The following AKAP6 variants were observed in gnomAD, a reference collection of about 807,000 sequenced individuals.
AKAP6 encodes the protein A-kinase anchoring protein 6, also known as A-kinase anchor protein 6.
Under a neutral mutation model 188.5 loss-of-function variants are expected in AKAP6, and 58 were observed. The ratio of observed to expected loss-of-function variants is 0.31; its 90% confidence interval spans 0.25 to 0.38. The LOEUF (loss-of-function observed/expected upper bound fraction) is 0.38, where lower values mean the gene tolerates loss of function less well. Among genes scored for constraint, AKAP6 ranks in the 10% least tolerant of loss-of-function variants. The probability of loss-of-function intolerance (pLI) is 1.00; values close to 1 mark genes in which losing one functional copy is unlikely to be tolerated. For synonymous variants in AKAP6, 989 were observed against 998.6 expected, an observed-to-expected ratio of 0.99 and a Z score of 0.18; for missense variants, 2,710 against 2,740.0, an observed-to-expected ratio of 0.99 and a Z score of 0.24.
intron 7 of AKAP6, among the ~76,000 whole-genome samples, chr14:32,673,179 G>A (rs1319073819): frequency 6.6e-6 from 1 of 152,146 alleles, no homozygotes. Context: ...CATTATCTCA[G>A]TTTTGGCTCC....
At chr14:32,344,764 A>G (rs1017824123) in intron 1 of AKAP6, among the ~76,000 whole-genome samples, 3 of 152,082 alleles carry the variant, frequency 2.0e-5, no homozygotes, top group Non-Finnish European at 4.4e-5. Flanking sequence ...AAAAATACAA[A>G]AATTAGCTGG....
intron 7 of AKAP6, among the ~76,000 whole-genome samples, chr14:32,675,045 G>T (rs1947282040): frequency 6.6e-6 from 1 of 152,122 alleles, no homozygotes; most frequent in Admixed American, 6.6e-5. Flanking sequence ...TCTCTCCCAT[G>T]GCATTCACAC....
chr14:32,708,485 T>A (rs1890906918), intron 9 of AKAP6, among the ~76,000 whole-genome samples: 1 of 151,996 alleles, frequency 6.6e-6, no homozygotes, highest in South Asian at 2.1e-4. Flanking sequence ...GCTAGCTAAT[T>A]CAGAATATGG....
At chr14:32,791,717 T>C (rs1244387091) in intron 12 of AKAP6, among the ~76,000 whole-genome samples, 1 of 152,194 alleles carries the variant, frequency 6.6e-6, no homozygotes, top group Non-Finnish European at 1.5e-5. Context: ...CTGAATGATA[T>C]TGCCTAGGTT....
intron 1 of AKAP6, among the ~76,000 whole-genome samples, chr14:32,413,296 C>T (rs973837929): frequency 2.0e-5 from 3 of 151,226 alleles, no homozygotes; most frequent in Non-Finnish European, 4.4e-5. Context: ...GATCCTCCCA[C>T]CTCAGCCTCC....
intron 8 of AKAP6, among the ~76,000 whole-genome samples, chr14:32,692,940 T>A (rs977306293): frequency 2.6e-5 from 4 of 152,186 alleles, no homozygotes. Context: ...CTTAGACACA[T>A]TATAGCCTCT....
At chr14:32,648,718 G>A (rs1384926890) in intron 7 of AKAP6, among the ~76,000 whole-genome samples, 1 of 152,102 alleles carries the variant, frequency 6.6e-6, no homozygotes, top group Non-Finnish European at 1.5e-5. Context: ...TTGTTAGGAT[G>A]AATGAATCAC....
At chr14:32,453,133 T>C (rs1890993091) in intron 2 of AKAP6, among the ~76,000 whole-genome samples, 1 of 152,186 alleles carries the variant, frequency 6.6e-6, no homozygotes, top group African/African-American at 2.4e-5. Context: ...CCAATATGAA[T>C]GTAGGATTTT....
intron 7 of AKAP6, among the ~76,000 whole-genome samples, chr14:32,606,738 T>A (rs1886141733): frequency 6.6e-6 from 1 of 152,192 alleles, no homozygotes; most frequent in Admixed American, 6.6e-5. Context: ...ATCTGTCTTC[T>A]TTGAGGCTCT....
At chr14:32,510,438 GTATATATATATACA>G (rs1566546732) in intron 2 of AKAP6, among the ~76,000 whole-genome samples, 1,885 of 84,434 alleles carry the variant, frequency 0.022, 143 homozygotes, top group African/African-American at 0.079. Context: ...ATATATATGT[GTATATATATATACA>G]TATATATGTG....
chr14:32,716,115 T>C (rs2030184216), intron 9 of AKAP6, among the ~76,000 whole-genome samples: 1 of 152,026 alleles, frequency 6.6e-6, no homozygotes, highest in South Asian at 2.1e-4. Flanking sequence ...ATATGGGCAG[T>C]CTGATTCCAG....
At chr14:32,671,352 A>G (rs946915037) in intron 7 of AKAP6, among the ~76,000 whole-genome samples, 1 of 152,314 alleles carries the variant, frequency 6.6e-6, no homozygotes, top group Non-Finnish European at 1.5e-5. Context: ...GGTGTGTTCA[A>G]GAGAGAAAGA....
intron 12 of AKAP6, among the ~76,000 whole-genome samples, chr14:32,789,377 C>T (rs1278692896): frequency 6.6e-6 from 1 of 152,228 alleles, no homozygotes; most frequent in African/African-American, 2.4e-5. Flanking sequence ...AAACAGCAGC[C>T]AGACTGCTTC....
chr14:32,499,649 T>G (rs1435196540), intron 2 of AKAP6, among the ~76,000 whole-genome samples: 1 of 151,864 alleles, frequency 6.6e-6, no homozygotes, highest in Non-Finnish European at 1.5e-5. Flanking sequence ...TAAATATCAC[T>G]ATTAATATAT....
At chr14:32,416,647 C>A (rs762744176) in intron 1 of AKAP6, among the ~76,000 whole-genome samples, 5 of 151,550 alleles carry the variant, frequency 3.3e-5, no homozygotes, top group African/African-American at 1.2e-4. Flanking sequence ...CTCTGCCTCC[C>A]GGGTTCAAGT....
intron 7 of AKAP6, among the ~76,000 whole-genome samples, chr14:32,660,176 A>G (rs1888627097): frequency 6.6e-6 from 1 of 152,138 alleles, no homozygotes. Context: ...ATTTCATGTC[A>G]CACCGGTTTA....
chr14:32,450,357 A>T (rs970040393), intron 2 of AKAP6, among the ~76,000 whole-genome samples: 6 of 151,782 alleles, frequency 4.0e-5, no homozygotes, highest in African/African-American at 1.5e-4. Flanking sequence ...AGGGAGAGGG[A>T]TTGATTTGTG....
At chr14:32,769,040 T>TTTTTTTTTTTTTA (rs2032811061) in intron 11 of AKAP6, among the ~76,000 whole-genome samples, 1 of 97,704 alleles carries the variant, frequency 1.0e-5, no homozygotes, top group Non-Finnish European at 2.1e-5. Context: ...TCTTTTGATT[T>TTTTTTTTTTTTTA]TTTTTTTTTT....
At chr14:32,505,658 G>A (rs557881487) in intron 2 of AKAP6, among the ~76,000 whole-genome samples, 51 of 152,178 alleles carry the variant, frequency 3.4e-4, no homozygotes, top group Non-Finnish European at 5.6e-4. Context: ...TATGTGTAAA[G>A]TATTATGTTA....
Sources: allele counts gnomAD v4.1 joint callset (sites outside exome capture counted in the v4.1 genomes callset), GRCh38; gene constraint gnomAD v4.1.1; transcripts MANE v1.5; gene names NCBI Gene and HGNC (gene_info 2026-07-23, HGNC 2026-07-21).